Variants in NBEA observed in about 807,000 individuals in gnomAD.
NBEA encodes the protein neurobeachin.
NBEA carries 44 observed loss-of-function variants against 343.4 expected under a neutral mutation model. The observed-to-expected ratio is 0.13, with a 90% CI of 0.10 to 0.16. NBEA has a LOEUF of 0.16. NBEA is among the 10% of genes least tolerant of loss of function. The pLI is 1.00. For synonymous variants in NBEA, 1,175 were observed against 1,238.7 expected (o/e 0.95, Z 1.08); for missense variants, 2,555 against 3,631.3 (o/e 0.70, Z 7.62).
chr13:34,984,466 G>A (rs571605005), intron 1 of NBEA, among the ~76,000 whole-genome samples: 19 of 152,278 alleles, frequency 1.2e-4, no homozygotes, highest in Middle Eastern at 6.8e-3. Flanking sequence ...ATAGTTTGAA[G>A]TCACTTAGTG....
intron 48 of NBEA, among the ~76,000 whole-genome samples, chr13:35,624,061 T>G (rs999721795): frequency 1.3e-5 from 2 of 150,702 alleles, no homozygotes; most frequent in African/African-American, 2.4e-5. Flanking sequence ...TGTGGGTGTG[T>G]GTGTGTGTGT....
chr13:35,426,641 G>A (rs191347590), intron 38 of NBEA, among the ~76,000 whole-genome samples: 2,942 of 152,066 alleles, frequency 0.019, 55 homozygotes, highest in South Asian at 0.034. Flanking sequence ...TGCTCTTCTC[G>A]AGGAGTATCT....
intron 32 of NBEA, 43 bp downstream of exon 32, chr13:35,208,897 T>C (rs936795837): frequency 3.0e-6 from 4 of 1,346,066 alleles, no homozygotes; most frequent in Non-Finnish European, 4.0e-6. Context: ...CTTTTTATGT[T>C]TTCTGTATCA....
At chr13:35,084,201 G>A (rs1308763122) in intron 10 of NBEA, among the ~76,000 whole-genome samples, 1 of 152,042 alleles carries the variant, frequency 6.6e-6, no homozygotes, top group East Asian at 1.9e-4. Context: ...TCCAGGAACT[G>A]AACTCAGCTC....
At chr13:34,969,559 C>G (rs562461358) in intron 1 of NBEA, among the ~76,000 whole-genome samples, 38 of 152,082 alleles carry the variant, frequency 2.5e-4, no homozygotes, top group Non-Finnish European at 4.3e-4. Flanking sequence ...CCACCCTTGA[C>G]CCTCCGATAG....
At chr13:35,076,319 A>G (rs1434315846) in intron 10 of NBEA, among the ~76,000 whole-genome samples, 2 of 151,986 alleles carry the variant, frequency 1.3e-5, no homozygotes, top group East Asian at 3.9e-4. Flanking sequence ...TACTTGCACT[A>G]CTACTTTTAG....
intron 40 of NBEA, among the ~76,000 whole-genome samples, chr13:35,469,922 A>G (rs1007206194): frequency 1.3e-5 from 2 of 152,260 alleles, no homozygotes; most frequent in African/African-American, 4.8e-5. Context: ...ACATTTTAAT[A>G]TCGGATCCCT....
At chr13:35,321,240 G>A (rs1291123620) in intron 36 of NBEA, among the ~76,000 whole-genome samples, 1 of 152,080 alleles carries the variant, frequency 6.6e-6, no homozygotes, top group Non-Finnish European at 1.5e-5. Context: ...ATCTACCTTT[G>A]GTCTTTAATG....
In NBEA at chr13:35,157,176, A is replaced by G. The variant is rs776613118; in HGVS notation, c.2750A>G (p.Tyr917Cys). 12 of 1,610,850 alleles carry G rather than the reference A, an allele frequency of 7.4e-6. No homozygotes were observed. Among genetic ancestry groups the G allele is most frequent in the African/African-American group, 6.7e-5 (5 of 74,862 alleles). ...SEEQKITEMV[Y>C]NIFRILLYHA... ...GAACAGAAGATTACCGAAATGGTCT[A>G]CAATATCTTCCGGATTCTTTTGTAT... The change falls in exon 21 of 59, where the codon TAC becomes TGC. Residue 917 changes from tyrosine (Y) to cysteine (C), a missense_variant. Physicochemically the swap from Tyr to Cys is radical, Grantham distance 194. This residue lies in a region of NBEA where 360 missense variants were observed against 519.1 expected (regional missense o/e 0.69). Coordinates refer to ENST00000379939, the MANE Select transcript of NBEA (RefSeq NM_001385012.1).
chr13:34,999,030 T>C (rs1281481582), intron 1 of NBEA, among the ~76,000 whole-genome samples: 4 of 152,198 alleles, frequency 2.6e-5, no homozygotes, highest in Non-Finnish European at 4.4e-5. Context: ...TATGTTCTTC[T>C]GCCATGGCTT....
chr13:35,504,418 A>T (rs2076996539), intron 41 of NBEA, among the ~76,000 whole-genome samples: 1 of 152,078 alleles, frequency 6.6e-6, no homozygotes, highest in Non-Finnish European at 1.5e-5. Context: ...ACCTGTTTAG[A>T]TTGAGCATGC....
chr13:35,489,419 G>A (rs1228375651), intron 41 of NBEA, among the ~76,000 whole-genome samples: 1 of 151,746 alleles, frequency 6.6e-6, no homozygotes, highest in Non-Finnish European at 1.5e-5. Flanking sequence ...CATTCTGCTG[G>A]GCATATTTGG....
chr13:35,208,739 T>A lies in NBEA; in HGVS notation c.5406T>A (p.Ser1802Arg). Residue 1802 changes from serine to arginine, a missense_variant, in exon 32 of 59, where the codon AGT becomes AGA. Physicochemically the swap from Ser to Arg is moderately radical, Grantham distance 110 (BLOSUM62 -1). Coordinates refer to ENST00000379939, the MANE Select transcript of NBEA (RefSeq NM_001385012.1). Reference sequence around the variant, plus strand: ...CTGTAAAGAAACCACCTCCAGGTAGTTTAGCTGTAACCACTGTGGGAGCCA... The same window carrying A: ...CTGTAAAGAAACCACCTCCAGGTAGATTAGCTGTAACCACTGTGGGAGCCA... Reference protein sequence around the residue: ...VVPVKKPPPGSLAVTTVGATT... With the variant: ...VVPVKKPPPGRLAVTTVGATT... The A allele has an allele frequency of 3.1e-6, 5 of 1,610,654 alleles. No individual in the cohort carries two copies. The highest frequency in any genetic ancestry group is 4.2e-6 in the Non-Finnish European group (5 of 1,177,876).
intron 41 of NBEA, among the ~76,000 whole-genome samples, chr13:35,534,628 G>C (rs73171534): frequency 6.6e-6 from 1 of 152,144 alleles, no homozygotes; most frequent in Non-Finnish European, 1.5e-5. Context: ...GGAAACACCT[G>C]AGATAAGAAC....
chr13:35,370,802 T>C (rs7994326), intron 38 of NBEA, among the ~76,000 whole-genome samples: 44,294 of 151,952 alleles, frequency 0.29, 8,305 homozygotes, highest in African/African-American at 0.54. Flanking sequence ...CTTGTGAAGC[T>C]GGTCTAGAGG....
rs747748278 is a variant in NBEA, at chr13:35,649,897, A to G, written c.7963+50A>G. ...TACTAAAGATTTCTTAAAAGCTACA[A>G]TTAAAGTAAAAAAGTGTACTGGGAC... On this transcript the variant is annotated intron_variant, in intron 52 of 58. Coordinates refer to ENST00000379939, the MANE Select transcript of NBEA (RefSeq NM_001385012.1). 4.0e-6 allele frequency: 6 copies of G among 1,499,566 alleles called. No individual in the cohort carries two copies. In the African/African-American group the frequency reaches 1.1e-4, roughly 26 times the overall value. The allele number at this position is 1,499,566 out of a possible 1,614,324, so 92.9% of individuals were successfully genotyped here.
intron 1 of NBEA, among the ~76,000 whole-genome samples, chr13:34,964,842 T>G (rs1424161345): frequency 1.3e-5 from 2 of 151,966 alleles, no homozygotes; most frequent in Non-Finnish European, 2.9e-5. Flanking sequence ...TGGAGCAGAA[T>G]TAGGAACAGA....
chr13:35,306,321 A>G (rs575739951), intron 35 of NBEA, among the ~76,000 whole-genome samples: 1 of 152,218 alleles, frequency 6.6e-6, no homozygotes, highest in African/African-American at 2.4e-5. Context: ...ATTTCTTGAT[A>G]CAATGTTTCT....
At chr13:35,353,434 C>CA (rs369733476) in intron 38 of NBEA, among the ~76,000 whole-genome samples, 3,872 of 141,964 alleles carry the variant, frequency 0.027, 125 homozygotes, top group African/African-American at 0.077. Flanking sequence ...GACTTTGTCT[C>CA]AAAAAAAAAA....
Sources: gnomAD v4.1 joint callset for allele counts (sites outside exome capture counted in the v4.1 genomes callset) on GRCh38, gnomAD v4.1.1 for gene constraint, gnomAD v4.1.1 regional missense constraint, MANE v1.5 for transcripts, NCBI Gene and HGNC (gene_info 2026-07-23, HGNC 2026-07-21) for gene names.